The following CRACD variants were observed in gnomAD, a reference collection of about 807,000 sequenced individuals.
CRACD encodes the protein capping protein-inhibiting regulator of actin dynamics.
A neutral mutation model predicts 106.8 loss-of-function variants in CRACD; 56 were observed. The observed-to-expected ratio is 0.52, with a 90% CI of 0.42 to 0.66. The LOEUF (loss-of-function observed/expected upper bound fraction) is 0.66. Ranked by LOEUF, CRACD falls within the 30% of genes least tolerant of loss-of-function variation. CRACD has a pLI of 0.00. For missense variants in CRACD, 1,730 were observed against 1,623.2 expected, an observed-to-expected ratio of 1.07 and a Z score of -1.13; for synonymous variants, 754 against 670.8, an observed-to-expected ratio of 1.12 and a Z score of -1.92.
At position 56,225,500 on chromosome 4, in the gene CRACD, C is replaced by G. The variant is rs74803336; in HGVS notation, c.-189+46070C>G. ...CTCTTTCCTCCATCTCTTCTGCCTCCCTGAACCCGTTTCTTCTTATCTGCC... is the reference window on the plus strand; with the variant it reads ...CTCTTTCCTCCATCTCTTCTGCCTCGCTGAACCCGTTTCTTCTTATCTGCC... On this transcript the variant is annotated intron_variant, in intron 2 of 10. Coordinates refer to ENST00000682029, the MANE Select transcript of CRACD (RefSeq NM_001393381.1). 7.4e-3 allele frequency among the ~76,000 whole-genome samples: 1,134 copies of G among 152,240 alleles called. 14 individuals carry two copies. The highest frequency in any genetic ancestry group is 0.026 in the African/African-American group (1,081 of 41,538).
chr4:56,061,043 G>A (rs1732252575), intron 1 of CRACD, among the ~76,000 whole-genome samples: 1 of 152,184 alleles, frequency 6.6e-6, no homozygotes, highest in South Asian at 2.1e-4. Flanking sequence ...CTGACACTTG[G>A]GTAATGGAGA....
chr4:56,292,497 C>A (rs1743753178), intron 3 of CRACD, among the ~76,000 whole-genome samples: 1 of 151,838 alleles, frequency 6.6e-6, no homozygotes, highest in Non-Finnish European at 1.5e-5. Flanking sequence ...TCAGGTGAGT[C>A]CTCTCTGGAA....
At chr4:56,288,023 T>TA (rs1432941243) in intron 3 of CRACD, among the ~76,000 whole-genome samples, 46 of 152,334 alleles carry the variant, frequency 3.0e-4, no homozygotes, top group African/African-American at 1.1e-3. Context: ...TCATGGTATT[T>TA]GAACCTTCTT....
intron 8 of CRACD, 28 bp from the exon 9 acceptor site, chr4:56,323,349 A>G (rs1248793427): frequency 6.3e-7 from 1 of 1,579,634 alleles, no homozygotes; most frequent in Non-Finnish European, 8.6e-7. Flanking sequence ...AGTTCATTGC[A>G]AACCGTTCTT....
At chr4:56,303,740 C>T (rs17086658) in intron 4 of CRACD, among the ~76,000 whole-genome samples, 11,159 of 152,270 alleles carry the variant, frequency 0.073, 477 homozygotes, top group Middle Eastern at 0.13. Flanking sequence ...CCTTGGGTAC[C>T]TGAGGACTGA....
intron 2 of CRACD, among the ~76,000 whole-genome samples, chr4:56,198,801 A>G (rs147114490): frequency 2.6e-5 from 4 of 152,320 alleles, no homozygotes; most frequent in African/African-American, 9.6e-5. Flanking sequence ...CGGTGTAGAA[A>G]AAATAATATA....
intron 1 of CRACD, among the ~76,000 whole-genome samples, chr4:56,117,469 G>A (rs565791450): frequency 2.6e-5 from 4 of 151,962 alleles, no homozygotes; most frequent in African/African-American, 9.7e-5. Context: ...CAGAAAGTCT[G>A]ATTGCCAGAG....
intron 1 of CRACD, among the ~76,000 whole-genome samples, chr4:56,075,661 T>A (rs746362522): frequency 6.6e-6 from 1 of 152,186 alleles, no homozygotes; most frequent in Non-Finnish European, 1.5e-5. Flanking sequence ...CAACCACTAA[T>A]CTGCTTCCTG....
At chr4:56,139,913 C>T (rs1427883717) in intron 1 of CRACD, among the ~76,000 whole-genome samples, 1 of 152,044 alleles carries the variant, frequency 6.6e-6, no homozygotes, top group Non-Finnish European at 1.5e-5. Flanking sequence ...CCTACCTGCA[C>T]AATGATTTGG....
rs539246185 is a variant in CRACD at position 56,213,035 on chromosome 4, A to G, written c.-189+33605A>G. Among the ~76,000 whole-genome samples the G allele has an allele frequency of 3.8e-4, 58 of 152,356 alleles. 1 individual carries two copies. The South Asian group carries it at 0.012, about 31-fold the overall frequency. On this transcript the variant is annotated intron_variant, in intron 2 of 10. Transcript: ENST00000682029. ...TTGCTGCACAAAAGCAGTGGACACC[A>G]TGGGCCTAGCAGGTAGCCTGTCTTG...
intron 9 of CRACD, among the ~76,000 whole-genome samples, chr4:56,323,780 C>T (rs1746256703): frequency 6.6e-6 from 1 of 152,190 alleles, no homozygotes; most frequent in Non-Finnish European, 1.5e-5. Context: ...CCTGATTTGC[C>T]ATAATCCACG....
intron 1 of CRACD, among the ~76,000 whole-genome samples, chr4:56,168,055 A>G (rs1577706800): frequency 6.6e-6 from 1 of 152,050 alleles, no homozygotes; most frequent in South Asian, 2.1e-4. Context: ...TATCACTTTT[A>G]TTTCTCTTTC....
intron 3 of CRACD, among the ~76,000 whole-genome samples, chr4:56,283,364 A>G (rs1743141941): frequency 6.6e-6 from 1 of 152,218 alleles, no homozygotes; most frequent in Non-Finnish European, 1.5e-5. Context: ...TCACTTAGCC[A>G]TTAGCATCCA....
At chr4:56,245,526 A>G (rs537660127) in intron 2 of CRACD, among the ~76,000 whole-genome samples, 1 of 152,246 alleles carries the variant, frequency 6.6e-6, no homozygotes, top group Admixed American at 6.5e-5. Flanking sequence ...TCTCTCTTTA[A>G]TGTAAAATGG....
At chr4:56,115,951 C>T (rs747359922) in intron 1 of CRACD, among the ~76,000 whole-genome samples, 1 of 152,170 alleles carries the variant, frequency 6.6e-6, no homozygotes, top group Non-Finnish European at 1.5e-5. Flanking sequence ...TACAGTGACC[C>T]ATTTTCAGAA....
intron 1 of CRACD, among the ~76,000 whole-genome samples, chr4:56,176,184 T>C (rs1736575287): frequency 2.0e-5 from 3 of 152,196 alleles, no homozygotes; most frequent in Non-Finnish European, 4.4e-5. Flanking sequence ...TATTATAGCT[T>C]TGTAGTATAT....
chr4:56,322,674 A>G (rs1746176805), intron 8 of CRACD, among the ~76,000 whole-genome samples: 2 of 152,134 alleles, frequency 1.3e-5, no homozygotes, highest in Admixed American at 6.6e-5. Context: ...TTGGAGTTCC[A>G]CGTAGTATGT....
chr4:56,099,333 T>C (rs1733707537), intron 1 of CRACD, among the ~76,000 whole-genome samples: 1 of 152,204 alleles, frequency 6.6e-6, no homozygotes, highest in East Asian at 1.9e-4. Flanking sequence ...TTTTTTCAAA[T>C]GAAGTTGGAC....
intron 1 of CRACD, among the ~76,000 whole-genome samples, chr4:56,134,326 G>A (rs1027004498): frequency 5.9e-5 from 9 of 152,172 alleles, no homozygotes; most frequent in South Asian, 2.1e-4. Flanking sequence ...TCCTGTTGAT[G>A]GGAGATTAAA....
Sources: allele counts gnomAD v4.1 joint callset (sites outside exome capture counted in the v4.1 genomes callset), GRCh38; gene constraint gnomAD v4.1.1; transcripts MANE v1.5; gene names NCBI Gene and HGNC (gene_info 2026-07-23, HGNC 2026-07-21).